The following UNC80 variants were observed in gnomAD, a reference collection of about 807,000 sequenced individuals.
The protein encoded by UNC80 is unc-80 subunit of NALCN channel complex.
In UNC80, 164 loss-of-function variants were observed where a neutral mutation model predicts 384.6. The ratio of observed to expected loss-of-function variants is 0.43; its 90% CI spans 0.38 to 0.49. UNC80 has a LOEUF of 0.49. UNC80 is among the 20% of genes least tolerant of loss of function. UNC80 has a pLI of 0.00. For missense variants in UNC80, 3,330 were observed against 4,143.0 expected, an observed-to-expected ratio of 0.80 and a Z score of 5.39; for synonymous variants, 1,486 against 1,527.8, an observed-to-expected ratio of 0.97 and a Z score of 0.64.
At chr2:209,815,713 T>C (rs2079686686) in intron 9 of UNC80, among the ~76,000 whole-genome samples, 1 of 152,194 alleles carries the variant, frequency 6.6e-6, no homozygotes, top group Admixed American at 6.5e-5. Context: ...TCATTTTTGG[T>C]TCAACTCATT....
intron 47 of UNC80, among the ~76,000 whole-genome samples, chr2:209,949,494 T>G (rs184928218): frequency 1.5e-3 from 223 of 152,190 alleles, no homozygotes; most frequent in African/African-American, 5.2e-3. Context: ...CTTTTATTTT[T>G]GAGACAGAGT....
chr2:209,793,777 A>C lies in UNC80; in HGVS notation c.856A>C (p.Ile286Leu). The change falls in exon 7 of 65, where the codon ATT becomes CTT. Residue 286 changes from isoleucine to leucine, a missense_variant. Ile to Leu is a conservative substitution (Grantham distance 5). Around this residue, in one of 8 missense-constraint regions of UNC80, gnomAD observed 937 missense variants for 1,026.8 expected, o/e 0.91. Transcript: ENST00000673920. ...TGATTCCATCTCACCCAAGGCCACC[A>C]TTTCAGGCTGTCACCGAGGAAACTC... ...QSDSISPKATISGCHRGNSFD... is the reference protein window; with the variant it reads ...QSDSISPKATLSGCHRGNSFD... The C allele has an allele frequency of 1.2e-6, 2 of 1,614,158 alleles. No individual in the cohort carries two copies. Among genetic ancestry groups the C allele is most frequent in the Non-Finnish European group, 1.7e-6 (2 of 1,180,008 alleles).
intron 47 of UNC80, among the ~76,000 whole-genome samples, 186 bp from the exon 48 acceptor site, chr2:209,953,914 G>C (rs1234247696): frequency 6.6e-6 from 1 of 152,194 alleles, no homozygotes; most frequent in East Asian, 1.9e-4. Flanking sequence ...TTAGCAGGTG[G>C]TTAGTGAATT....
At chr2:209,942,134 A>T (rs1041608979) in intron 44 of UNC80, among the ~76,000 whole-genome samples, 1 of 152,156 alleles carries the variant, frequency 6.6e-6, no homozygotes, top group Admixed American at 6.5e-5. Flanking sequence ...TAGGAGCTGG[A>T]ACCCTATTGT....
chr2:209,878,050 C>T lies in UNC80; in HGVS notation c.3937C>T (p.Leu1313Phe). The T allele has an allele frequency of 6.5e-7, 1 of 1,544,054 alleles. No individual in the cohort carries two copies. The highest frequency in any genetic ancestry group is 8.7e-7 in the Non-Finnish European group (1 of 1,143,388). ...TTACGATGAAGAGACCAAGAGGAGA[C>T]TTAGAAAGGAGGATGAGGAGGAAGA... ...LIYDEETKRRLRKEDEEEDFL... is the reference protein window; with the variant it reads ...LIYDEETKRRFRKEDEEEDFL... Residue 1313 changes from leucine to phenylalanine, a missense_variant, in exon 24 of 65, where the codon CTT becomes TTT. Transcript: ENST00000673920.
At chr2:209,866,531 CACAGAGAG>C (rs1255691259) in intron 22 of UNC80, among the ~76,000 whole-genome samples, 25 of 122,088 alleles carry the variant, frequency 2.0e-4, no homozygotes, top group African/African-American at 5.3e-4. Context: ...CACACACACA[CACAGAGAG>C]AGAGAGAGAG....
intron 4 of UNC80, among the ~76,000 whole-genome samples, chr2:209,779,158 A>G (rs2077022879): frequency 6.6e-6 from 1 of 152,178 alleles, no homozygotes; most frequent in Admixed American, 6.5e-5. Flanking sequence ...CTGCTTTAAT[A>G]GGGACTGTCC....
chr2:209,813,977 T>C lies in UNC80; in HGVS notation c.1200+136T>C, dbSNP rs147262992. The C allele has an allele frequency of 2.8e-3, 3,106 of 1,128,796 alleles. 64 individuals carry two copies. In the African/African-American group the frequency reaches 0.04, roughly 14 times the overall value. The allele number at this position is 1,128,796 out of a possible 1,614,324, so 69.9% of individuals were successfully genotyped here. On this transcript the variant is annotated intron_variant, in intron 8 of 64. Coordinates refer to ENST00000673920, the MANE Select transcript of UNC80 (RefSeq NM_001371986.1). ...GTGGGTTACACTGTTTCTATTATCT[T>C]TTCCCTTCCATCTTGCATGCTTGAC...
At position 209,829,436 on chromosome 2, in the gene UNC80, T is replaced by A; in HGVS notation, c.2626+57T>A. On this transcript the variant is annotated intron_variant, in intron 15 of 64. Transcript: ENST00000673920. Reference sequence around the variant, plus strand: ...AGTCGTTGTGAGGTGAATCAGGTAGTGTTTCAAGGGGACACTAAATTTGTG... The same window carrying A: ...AGTCGTTGTGAGGTGAATCAGGTAGAGTTTCAAGGGGACACTAAATTTGTG... The A allele has an allele frequency of 3.3e-6, 5 of 1,535,634 alleles. No individual in the cohort carries two copies. In the South Asian group the frequency reaches 6.0e-5, roughly 18 times the overall value.
chr2:209,993,391 C>T lies in UNC80; in HGVS notation c.9473C>T (p.Thr3158Ile), dbSNP rs755736074. The T allele has an allele frequency of 6.4e-7, 1 of 1,551,698 alleles. No individual in the cohort carries two copies. The highest frequency in any genetic ancestry group is 1.2e-5 in the South Asian group (1 of 84,050). Residue 3158 changes from threonine to isoleucine, a missense_variant, in exon 63 of 65, where the codon ACT becomes ATT. By Grantham distance (89) the Thr-to-Ile change is moderately conservative. Around this residue, in one of 8 missense-constraint regions of UNC80, gnomAD observed 236 missense variants for 254.9 expected, o/e 0.93. Transcript: ENST00000673920. ...CGCCAAGGGGCTCGGCTGTCAACCA[C>T]TCGCAGGAGCATTCAACCTAAAACG... ...RNRQGARLST[T>I]RRSIQPKTKP... is the part of the protein sequence containing the mutation.
intron 7 of UNC80, among the ~76,000 whole-genome samples, chr2:209,800,368 G>T (rs2078462079): frequency 1.3e-5 from 2 of 151,956 alleles, no homozygotes; most frequent in African/African-American, 4.8e-5. Flanking sequence ...AGTATTCTCT[G>T]ATGGTAGTTT....
intron 19 of UNC80, 137 bp from the exon 20 acceptor site, chr2:209,840,405 A>G (rs1019999019): frequency 5.7e-6 from 4 of 703,250 alleles, no homozygotes; most frequent in East Asian, 2.7e-5. Context: ...CAAAGCATGT[A>G]CATTGAAAAC....
At chr2:209,917,279 T>C (rs2089625797) in intron 31 of UNC80, among the ~76,000 whole-genome samples, 1 of 152,228 alleles carries the variant, frequency 6.6e-6, no homozygotes, top group East Asian at 1.9e-4. Context: ...TTTTTCATGG[T>C]ATTATGACTC....
chr2:209,969,980 C>G, intron 53 of UNC80, 89 bp downstream of exon 53: 1 of 1,477,762 alleles, frequency 6.8e-7, no homozygotes, highest in Non-Finnish European at 9.1e-7. Context: ...AGGTCAACCA[C>G]TTTGTGCCCC....
chr2:209,991,171 G>A (rs1260297115), intron 61 of UNC80, among the ~76,000 whole-genome samples: 1 of 152,066 alleles, frequency 6.6e-6, no homozygotes, highest in Non-Finnish European at 1.5e-5. Context: ...ATTCCTCTGT[G>A]GAATATTATA....
chr2:209,882,746 C>T lies in UNC80; in HGVS notation c.4110+1652C>T, dbSNP rs964787460. Reference sequence around the variant, plus strand: ...GTCTTCATAAAAGCACAAAGTACATCTACTTTTAAGTTTTCAGATTGTTAT... The same window carrying T: ...GTCTTCATAAAAGCACAAAGTACATTTACTTTTAAGTTTTCAGATTGTTAT... On this transcript the variant is annotated intron_variant, in intron 25 of 64. Transcript: ENST00000673920. Among the ~76,000 whole-genome samples, 9 of 152,220 alleles carry T rather than the reference C, an allele frequency of 5.9e-5. No individual in the cohort carries two copies. In the East Asian group the frequency reaches 1.7e-3, roughly 29 times the overall value.
In UNC80 at chr2:209,917,812, G is replaced by A; in HGVS notation, c.5065G>A (p.Glu1689Lys). The change falls in exon 32 of 65, where the codon GAG (glutamate) becomes AAG (lysine). Residue 1689 changes from glutamate to lysine, a missense_variant. By Grantham distance (56) the Glu-to-Lys change is moderately conservative. Coordinates refer to ENST00000673920, the MANE Select transcript of UNC80 (RefSeq NM_001371986.1). Reference protein sequence around the residue: ...MFLLCAVKVPEAVSDMLMSEF... With the variant: ...MFLLCAVKVPKAVSDMLMSEF... ...CCTGCTGTGTGCAGTGAAGGTGCCT[G>A]AGGCCGTGTCCGACATGCTGATGTC... The A allele has an allele frequency of 6.4e-7, 1 of 1,552,164 alleles. No individual in the cohort carries two copies. The highest frequency in any genetic ancestry group is 8.7e-7 in the Non-Finnish European group (1 of 1,147,086).
intron 7 of UNC80, among the ~76,000 whole-genome samples, chr2:209,803,454 A>G (rs1468747873): frequency 6.6e-6 from 1 of 152,248 alleles, no homozygotes; most frequent in African/African-American, 2.4e-5. Context: ...ACAGACTAAG[A>G]GAATAACAAT....
chr2:209,933,851 C>G lies in UNC80; in HGVS notation c.6024C>G (p.Thr2008=). Residue 2008 remains threonine, a synonymous_variant, in exon 39 of 65, where the codon ACC becomes ACG. Coordinates refer to ENST00000673920, the MANE Select transcript of UNC80 (RefSeq NM_001371986.1). ...GATTAATCATGTACTTTGTGCGGAC[C>G]CCCTGCGAGTGGGGGATGGATGCCA... ...LVGLIMYFVR[T]PCEWGMDAIS... 1 of 1,550,980 alleles carries G rather than the reference C, an allele frequency of 6.4e-7. No homozygotes were observed. Among genetic ancestry groups the G allele is most frequent in the Non-Finnish European group, 8.7e-7 (1 of 1,146,686 alleles).
Sources: allele counts gnomAD v4.1 joint callset (sites outside exome capture counted in the v4.1 genomes callset), GRCh38; gene constraint gnomAD v4.1.1; regional missense constraint gnomAD v4.1.1; transcripts MANE v1.5; gene names NCBI Gene and HGNC (gene_info 2026-07-23, HGNC 2026-07-21).